Variants in ADAMTS16 observed in about 807,000 individuals in gnomAD.
ADAMTS16 encodes ADAM metallopeptidase with thrombospondin type 1 motif 16, also known as A disintegrin and metalloproteinase with thrombospondin motifs 16.
Under a neutral mutation model 145.8 loss-of-function variants are expected in ADAMTS16, and 94 were observed. The ratio of observed to expected loss-of-function variants is 0.64; its 90% CI spans 0.55 to 0.77. The LOEUF is 0.77. ADAMTS16 is among the 30% of genes least tolerant of loss of function. The pLI is 0.00. For missense variants in ADAMTS16, 1,585 were observed against 1,591.5 expected (o/e 1.00, Z 0.07); for synonymous variants, 659 against 604.3 (o/e 1.09, Z -1.33).
At chr5:5,202,060 A>G (rs894136224) in intron 9 of ADAMTS16, among the ~76,000 whole-genome samples, 1 of 152,042 alleles carries the variant, frequency 6.6e-6, no homozygotes, top group Non-Finnish European at 1.5e-5. Flanking sequence ...ACTCCAGTGT[A>G]CTTTCTGGTG....
At chr5:5,149,185 A>C (rs576188022) in intron 3 of ADAMTS16, among the ~76,000 whole-genome samples, 1 of 152,346 alleles carries the variant, frequency 6.6e-6, no homozygotes, top group African/African-American at 2.4e-5. Flanking sequence ...TTACCCTGGT[A>C]TTGCCACCAA....
chr5:5,305,083 CCCACA>C (rs1740015309), intron 20 of ADAMTS16, among the ~76,000 whole-genome samples: 1 of 49,070 alleles, frequency 2.0e-5, no homozygotes, highest in African/African-American at 8.4e-5. Flanking sequence ...ACACACACAT[CCCACA>C]CCACACACAC....
At chr5:5,304,325 A>G (rs547673203) in intron 20 of ADAMTS16, among the ~76,000 whole-genome samples, 17 of 152,110 alleles carry the variant, frequency 1.1e-4, no homozygotes, top group Non-Finnish European at 1.9e-4. Context: ...GCTGTCCTGG[A>G]GCCCTTCATC....
In ADAMTS16 at chr5:5,256,795, G is replaced by A. The variant is rs186503529; in HGVS notation, c.2663-5862G>A. ...TCACATGTTTTTAATTTCAAAACAGGAAACCAAACTGAAGCCATTATTTAT... is the reference window on the plus strand; with the variant it reads ...TCACATGTTTTTAATTTCAAAACAGAAAACCAAACTGAAGCCATTATTTAT... On this transcript the variant is annotated intron_variant, in intron 17 of 22. Transcript: ENST00000274181. Among the ~76,000 whole-genome samples, 358 of 152,194 alleles carry A rather than the reference G, an allele frequency of 2.4e-3. 2 individuals carry two copies. In the Middle Eastern group the frequency reaches 0.024, roughly 10 times the overall value.
In ADAMTS16 at chr5:5,261,632, C is replaced by T. The variant is rs139386468; in HGVS notation, c.2663-1025C>T. 2.6e-3 allele frequency among the ~76,000 whole-genome samples: 393 copies of T among 152,172 alleles called. 2 individuals are homozygous for T. Among genetic ancestry groups the T allele is most frequent in the African/African-American group, 8.6e-3 (358 of 41,508 alleles). The stretch of plus-strand genomic sequence containing the variant: ...CTCCTGATAGCTGGGAATACAGGCA[C>T]GTGCCACCACGCCCAGCTAATTTTT... On this transcript the variant is annotated intron_variant, in intron 17 of 22. Coordinates refer to ENST00000274181, the MANE Select transcript of ADAMTS16 (RefSeq NM_139056.4).
chr5:5,183,094 A>G (rs1735387040), intron 4 of ADAMTS16, among the ~76,000 whole-genome samples: 1 of 152,246 alleles, frequency 6.6e-6, no homozygotes, highest in Non-Finnish European at 1.5e-5. Context: ...CTTGGCACCT[A>G]CAACAACAGA....
chr5:5,242,683 T>C (rs1560965269), intron 17 of ADAMTS16, among the ~76,000 whole-genome samples: 1 of 152,152 alleles, frequency 6.6e-6, no homozygotes, highest in Non-Finnish European at 1.5e-5. Context: ...AAAGTTCCAA[T>C]GAAAACATCA....
intron 1 of ADAMTS16, 33 bp downstream of exon 1, chr5:5,140,572 C>T (rs1326155817): frequency 4.0e-6 from 6 of 1,501,070 alleles, no homozygotes; most frequent in Non-Finnish European, 5.3e-6. Context: ...AGCGCGGAAA[C>T]CGCGGGTCCG....
intron 11 of ADAMTS16, 125 bp downstream of exon 11, chr5:5,223,009 C>G: frequency 1.4e-6 from 1 of 710,704 alleles, no homozygotes; most frequent in Non-Finnish European, 2.4e-6. Flanking sequence ...CATACCCATG[C>G]TCCTATCAAA....
In ADAMTS16 at chr5:5,255,108, T is replaced by C. The variant is rs568288553; in HGVS notation, c.2663-7549T>C. The stretch of plus-strand genomic sequence containing the variant: ...TAAGAAAACCATCTTTTTAAATGTA[T>C]TATTTAAAATTTAATTTTATATATT... On this transcript the variant is annotated intron_variant, in intron 17 of 22. Coordinates refer to ENST00000274181, the MANE Select transcript of ADAMTS16 (RefSeq NM_139056.4). 2.0e-5 allele frequency among the ~76,000 whole-genome samples: 3 copies of C among 152,224 alleles called. No homozygotes were observed. The East Asian group carries it at 5.8e-4, about 29-fold the overall frequency.
At chr5:5,143,895 C>T (rs2126498424) in intron 2 of ADAMTS16, among the ~76,000 whole-genome samples, 1 of 152,280 alleles carries the variant, frequency 6.6e-6, no homozygotes, top group Non-Finnish European at 1.5e-5. Context: ...AAACCAAACA[C>T]TGCATGTTCT....
intron 16 of ADAMTS16, among the ~76,000 whole-genome samples, chr5:5,240,147 G>A (rs1350596359): frequency 6.6e-6 from 1 of 152,176 alleles, no homozygotes; most frequent in South Asian, 2.1e-4. Context: ...TCCCATTTGG[G>A]GGTTTTAGCA....
intron 12 of ADAMTS16, among the ~76,000 whole-genome samples, chr5:5,233,925 T>C (rs944996872): frequency 1.2e-4 from 18 of 152,250 alleles, no homozygotes; most frequent in African/African-American, 4.3e-4. Flanking sequence ...CCACACTGTC[T>C]TCCACAATGG....
At position 5,286,622 on chromosome 5, in the gene ADAMTS16, G is replaced by A. The variant is rs552650890; in HGVS notation, c.2790-16646G>A. On this transcript the variant is annotated intron_variant, in intron 18 of 22. Transcript: ENST00000274181. ...GCCTGTAATCCCAGCACTTTGGGAGGCTGAGGTGGGCAGATCACAAGATCA... is the reference window on the plus strand; with the variant it reads ...GCCTGTAATCCCAGCACTTTGGGAGACTGAGGTGGGCAGATCACAAGATCA... Among the ~76,000 whole-genome samples the A allele has an allele frequency of 2.6e-5, 4 of 152,228 alleles. No homozygotes were observed. In the East Asian group the frequency reaches 7.7e-4, roughly 29 times the overall value.
At chr5:5,261,290 G>A (rs1177694344) in intron 17 of ADAMTS16, among the ~76,000 whole-genome samples, 2 of 151,700 alleles carry the variant, frequency 1.3e-5, no homozygotes, top group Admixed American at 6.6e-5. Flanking sequence ...GGTGCATGCC[G>A]CCATGCCTGG....
chr5:5,167,692 G>A (rs931535084), intron 3 of ADAMTS16, among the ~76,000 whole-genome samples: 7 of 152,134 alleles, frequency 4.6e-5, no homozygotes, highest in Non-Finnish European at 1.0e-4. Context: ...TAGCGAATTA[G>A]CCTTAAGTAA....
At chr5:5,192,316 G>C (rs976599675) in intron 8 of ADAMTS16, among the ~76,000 whole-genome samples, 23 of 152,128 alleles carry the variant, frequency 1.5e-4, no homozygotes, top group African/African-American at 5.1e-4. Context: ...CGATTCCTCT[G>C]TCCCGTGTTT....
At chr5:5,237,382 G>T (rs1737141060) in intron 14 of ADAMTS16, among the ~76,000 whole-genome samples, 1 of 152,202 alleles carries the variant, frequency 6.6e-6, no homozygotes, top group Non-Finnish European at 1.5e-5. Context: ...ATCCAAGCTA[G>T]ATCTGAAAGG....
chr5:5,227,506 TGTGTGTGTGTGTG>T (rs1307502457), intron 11 of ADAMTS16, among the ~76,000 whole-genome samples: 1 of 152 alleles, frequency 6.6e-3, no homozygotes, highest in African/African-American at 0.01. Flanking sequence ...GATCTAATAC[TGTGTGTGTGTGTG>T]TGTGTGTGTG....
Sources: gnomAD v4.1 joint callset for allele counts (sites outside exome capture counted in the v4.1 genomes callset) on GRCh38, gnomAD v4.1.1 for gene constraint, MANE v1.5 for transcripts, NCBI Gene and HGNC (gene_info 2026-07-23, HGNC 2026-07-21) for gene names.